The following PCGF5 variants were observed in gnomAD, a reference collection of about 807,000 sequenced individuals.
PCGF5 encodes the protein polycomb group ring finger 5.
PCGF5 carries 9 observed loss-of-function variants against 44.3 expected under a neutral mutation model. The ratio of observed to expected loss-of-function variants is 0.20; its 90% CI spans 0.12 to 0.35. The LOEUF is 0.35. Among genes scored for constraint, PCGF5 ranks in the 10% least tolerant of loss-of-function variants. PCGF5 has a pLI of 1.00. For synonymous variants in PCGF5, 95 were observed against 102.5 expected, an observed-to-expected ratio of 0.93 and a Z score of 0.44; for missense variants, 146 against 305.3, an observed-to-expected ratio of 0.48 and a Z score of 3.89.
intron 1 of PCGF5, among the ~76,000 whole-genome samples, chr10:91,176,684 C>G (rs1357147757): frequency 6.6e-6 from 1 of 152,178 alleles, no homozygotes; most frequent in Non-Finnish European, 1.5e-5. Context: ...ACCCTTTCTT[C>G]CAGTTGATCG....
intron 1 of PCGF5, among the ~76,000 whole-genome samples, chr10:91,176,785 G>A (rs1352934037): frequency 1.3e-5 from 2 of 152,130 alleles, no homozygotes; most frequent in Admixed American, 1.3e-4. Flanking sequence ...CTCTGCATTG[G>A]TTATTCTAGT....
intron 1 of PCGF5, among the ~76,000 whole-genome samples, chr10:91,175,177 A>T (rs1843681821): frequency 6.6e-6 from 1 of 152,234 alleles, no homozygotes; most frequent in South Asian, 2.1e-4. Context: ...CCATACCACA[A>T]GATGAAGTCT....
chr10:91,162,131 G>C (rs538746578), upstream of PCGF5, among the ~76,000 whole-genome samples: 53 of 152,118 alleles, frequency 3.5e-4, no homozygotes, highest in South Asian at 0.011. Flanking sequence ...ACACATTTCA[G>C]GTGTTGTCTG....
At chr10:91,228,334 C>T (rs751008963) in intron 2 of PCGF5, among the ~76,000 whole-genome samples, 20 of 152,066 alleles carry the variant, frequency 1.3e-4, no homozygotes, top group Non-Finnish European at 2.6e-4. Context: ...TGGTTCTTAA[C>T]CCTTTTGTGG....
intron 3 of PCGF5, among the ~76,000 whole-genome samples, chr10:91,243,687 A>C (rs1704705958): frequency 6.6e-6 from 1 of 152,146 alleles, no homozygotes; most frequent in Non-Finnish European, 1.5e-5. Flanking sequence ...TTCTAATTTA[A>C]TTTCAATTAA....
chr10:91,232,874 G>A (rs1845049044), intron 2 of PCGF5, among the ~76,000 whole-genome samples: 1 of 152,170 alleles, frequency 6.6e-6, no homozygotes, highest in African/African-American at 2.4e-5. Context: ...TGGACTTGGG[G>A]CATTGAGTAT....
At chr10:91,228,125 C>A (rs1381065481) in intron 2 of PCGF5, among the ~76,000 whole-genome samples, 1 of 152,094 alleles carries the variant, frequency 6.6e-6, no homozygotes, top group Non-Finnish European at 1.5e-5. Flanking sequence ...GGACTGGGGA[C>A]TAGAAATTGA....
intron 9 of PCGF5, among the ~76,000 whole-genome samples, chr10:91,275,685 C>A (rs1240118395): frequency 2.0e-5 from 3 of 150,168 alleles, no homozygotes; most frequent in Non-Finnish European, 4.4e-5. Context: ...GATCTCTTGA[C>A]CTCGTGATCT....
chr10:91,249,568 G>T (rs942796409), intron 5 of PCGF5, among the ~76,000 whole-genome samples: 1 of 151,572 alleles, frequency 6.6e-6, no homozygotes, highest in African/African-American at 2.4e-5. Flanking sequence ...TCACTTGTAA[G>T]TTCAGCCTCC....
Position 91,163,429 on chromosome 10 carries a change from G to A in PCGF5, c.-184+348G>A, listed in dbSNP as rs936951119. On this transcript the variant is annotated intron_variant, in intron 1 of 9. Coordinates refer to the PCGF5 transcript ENST00000614189. The stretch of plus-strand genomic sequence containing the variant: ...CCCGCCGCGGGAGCAGCGGCTCCCT[G>A]GCTGGAGGGAGACCATGAAATGTGT... Among the ~76,000 whole-genome samples the A allele has an allele frequency of 8.5e-5, 13 of 152,126 alleles. 1 individual carries two copies. In the East Asian group the frequency reaches 2.3e-3, roughly 27 times the overall value.
At chr10:91,250,801 C>T (rs556061475) in intron 5 of PCGF5, among the ~76,000 whole-genome samples, 1 of 151,624 alleles carries the variant, frequency 6.6e-6, no homozygotes, top group African/African-American at 2.4e-5. Context: ...ATTCATTATA[C>T]TCGTTTTTTT....
chr10:91,221,120 G>A (rs1844664063), intron 1 of PCGF5, among the ~76,000 whole-genome samples: 1 of 152,022 alleles, frequency 6.6e-6, no homozygotes, highest in African/African-American at 2.4e-5. Context: ...GCACCTGCCG[G>A]GCGGGCGCGG....
chr10:91,237,548 G>A (rs1384310243), intron 2 of PCGF5, among the ~76,000 whole-genome samples: 1 of 152,162 alleles, frequency 6.6e-6, no homozygotes, highest in Non-Finnish European at 1.5e-5. Context: ...TTGGAGACCA[G>A]CCTGGCTAAC....
chr10:91,235,391 G>T (rs887146393), intron 2 of PCGF5, among the ~76,000 whole-genome samples: 41 of 152,136 alleles, frequency 2.7e-4, no homozygotes, highest in African/African-American at 9.2e-4. Flanking sequence ...TAAACATTAG[G>T]CAAAAGTTTA....
intron 1 of PCGF5, among the ~76,000 whole-genome samples, chr10:91,210,988 A>G (rs1418354885): frequency 6.6e-6 from 1 of 152,222 alleles, no homozygotes; most frequent in Non-Finnish European, 1.5e-5. Context: ...CATCCTTTAC[A>G]GTGCCTAAAG....
intron 1 of PCGF5, among the ~76,000 whole-genome samples, chr10:91,176,309 G>T (rs1375659706): frequency 2.0e-5 from 3 of 152,110 alleles, no homozygotes; most frequent in Non-Finnish European, 4.4e-5. Context: ...TCCCTTTGTG[G>T]GTAACCCAAC....
At chr10:91,191,183 C>T (rs565841526) in intron 1 of PCGF5, among the ~76,000 whole-genome samples, 1 of 152,228 alleles carries the variant, frequency 6.6e-6, no homozygotes, top group African/African-American at 2.4e-5. Flanking sequence ...AGATTAACAA[C>T]AACAACAACT....
chr10:91,182,396 G>A (rs1396113681), intron 1 of PCGF5, among the ~76,000 whole-genome samples: 1 of 152,150 alleles, frequency 6.6e-6, no homozygotes, highest in Non-Finnish European at 1.5e-5. Context: ...TGTGAGGTCA[G>A]TGGTAGTGCC....
chr10:91,193,400 T>A (rs1324479698), intron 1 of PCGF5, among the ~76,000 whole-genome samples: 2 of 139,186 alleles, frequency 1.4e-5, no homozygotes, highest in Non-Finnish European at 3.0e-5. Flanking sequence ...ACTTCATTAG[T>A]GGTAATTTGT....
Sources: gnomAD v4.1 joint callset for allele counts (sites outside exome capture counted in the v4.1 genomes callset) on GRCh38, gnomAD v4.1.1 for gene constraint, MANE v1.5 for transcripts, NCBI Gene and HGNC (gene_info 2026-07-23, HGNC 2026-07-21) for gene names.